Variants in PUS7L observed in about 807,000 individuals in gnomAD.
The protein encoded by PUS7L is pseudouridine synthase 7 like.
A neutral mutation model predicts 51.1 loss-of-function variants in PUS7L; 49 were observed. The observed-to-expected ratio is 0.96, with a 90% CI of 0.76 to 1.22. PUS7L has a LOEUF of 1.22. PUS7L is among the 50% of genes most tolerant of loss of function. The pLI is 0.00. For synonymous variants in PUS7L, 277 were observed against 276.2 expected (o/e 1.00, Z -0.03); for missense variants, 828 against 820.6 (o/e 1.01, Z -0.11).
At chr12:43,757,177 CTCT>C (rs4251418) in intron 1 of PUS7L, among the ~76,000 whole-genome samples, 2,356 of 152,050 alleles carry the variant, frequency 0.015, 60 homozygotes, top group African/African-American at 0.053. Flanking sequence ...GCAAGTGATT[CTCT>C]TTTTTTTTGA....
rs1363021385 is a variant in PUS7L, at chr12:43,722,090, G to C, written c.*8286C>G. ...CAAAATCCAAACATATCTGAAATCT[G>C]AAACTTTTAGTCCCAAACATTTTAG... On this transcript the variant is annotated 3_prime_UTR_variant, in exon 9 of 9. Coordinates refer to ENST00000344862, the MANE Select transcript of PUS7L (RefSeq NM_031292.5). The C allele has an allele frequency of 1.3e-5, 2 of 152,062 alleles. No individual in the cohort carries two copies. The highest frequency in any genetic ancestry group is 2.9e-5 in the Non-Finnish European group (2 of 67,984). The allele number at this position is 152,062 out of a possible 1,614,324, so 9.4% of individuals were successfully genotyped here.
At chr12:43,747,126 G>GT (rs1282865428) in intron 3 of PUS7L, among the ~76,000 whole-genome samples, 1 of 152,098 alleles carries the variant, frequency 6.6e-6, no homozygotes, top group Non-Finnish European at 1.5e-5. Context: ...TCGATATTAC[G>GT]TTAATTAGGC....
Position 43,721,988 on chromosome 12 carries a change from A to G in PUS7L, c.*8388T>C, listed in dbSNP as rs933884373. On this transcript the variant is annotated 3_prime_UTR_variant, in exon 9 of 9. Transcript: ENST00000344862. ...CCTTCAGGTTATGTGTATAAGGTAT[A>G]TATGAAACATAAATGAATTTTGTTT... 2.6e-5 allele frequency: 4 copies of G among 152,178 alleles called. No homozygotes were observed. The highest frequency in any genetic ancestry group is 5.9e-5 in the Non-Finnish European group (4 of 68,004). The allele number at this position is 152,178 out of a possible 1,614,324, so 9.4% of individuals were successfully genotyped here.
Position 43,754,858 on chromosome 12 carries a change from C to T in PUS7L, c.388G>A (p.Asp130Asn), listed in dbSNP as rs768274424. ...EKADVLSSFL[D>N]EKTHELLNNF... ...TTCAGTAACTCATGAGTTTTTTCAT[C>T]CAAAAAGGAGCTTAAAACATCAGCT... is the stretch of plus-strand genomic sequence containing the variant. The change falls in exon 2 of 9, where the codon GAT becomes AAT. Residue 130 changes from aspartate (D) to asparagine (N), a missense_variant. By Grantham distance (23) the Asp-to-Asn change is conservative. Transcript: ENST00000344862. The T allele has an allele frequency of 1.5e-5, 24 of 1,612,936 alleles. No homozygotes were observed. In the Admixed American group the frequency reaches 3.7e-4, roughly 25 times the overall value.
At position 43,728,663 on chromosome 12, in the gene PUS7L, T is replaced by C. The variant is rs1944488384; in HGVS notation, c.*1713A>G. ...ACATATAACAAAAAAAACTTTTTAGTATTAAAAAAAATCCAAATACCCCAT... is the reference window on the plus strand; with the variant it reads ...ACATATAACAAAAAAAACTTTTTAGCATTAAAAAAAATCCAAATACCCCAT... On this transcript the variant is annotated 3_prime_UTR_variant, in exon 9 of 9. Coordinates refer to ENST00000344862, the MANE Select transcript of PUS7L (RefSeq NM_031292.5). 6.6e-6 allele frequency: 1 copy of C among 152,092 alleles called. No homozygotes were observed. Among genetic ancestry groups the C allele is most frequent in the Admixed American group, 6.5e-5 (1 of 15,270 alleles). The allele number at this position is 152,092 out of a possible 1,614,324, so 9.4% of individuals were successfully genotyped here.
At chr12:43,752,747 T>C (rs1363500877) in intron 2 of PUS7L, among the ~76,000 whole-genome samples, 5 of 152,086 alleles carry the variant, frequency 3.3e-5, no homozygotes, top group Non-Finnish European at 7.4e-5. Context: ...GAGGAAGAAT[T>C]GTTTAATAAA....
At chr12:43,742,687 C>A in intron 4 of PUS7L, 132 bp from the exon 5 acceptor site, 2 of 1,257,792 alleles carry the variant, frequency 1.6e-6, no homozygotes, top group South Asian at 2.8e-5. Context: ...CACATAGGGA[C>A]CAAATGGTCT....
rs1452179921 is a variant in PUS7L at position 43,719,865 on chromosome 12, G to A, written c.*10511C>T. 6.6e-6 allele frequency: 1 copy of A among 152,080 alleles called. No individual in the cohort carries two copies. 9.4% of individuals were successfully genotyped at this position (152,080 alleles called of 1,614,324 possible). ...ATTATTTCCATCAGTCTCACCACAA[G>A]TATGTCAGCTCTACTAGTATTTTCA... On this transcript the variant is annotated 3_prime_UTR_variant, in exon 9 of 9. Transcript: ENST00000344862.
chr12:43,742,470 A>G lies in PUS7L; in HGVS notation c.1349T>C (p.Leu450Pro). ...VHTDQIGLALLKNEMMKAIKL... is the reference protein window; with the variant it reads ...VHTDQIGLALPKNEMMKAIKL... ...CAAAATCCATACCATTTCATTCTTC[A>G]GCAAAGCTAGTCCAATTTGGTCTGT... Residue 450 changes from leucine (L) to proline (P), a missense_variant, in exon 5 of 9, where the codon CTG (leucine) becomes CCG (proline). By Grantham distance (98) the Leu-to-Pro change is moderately conservative. Transcript: ENST00000344862. The G allele has an allele frequency of 6.2e-7, 1 of 1,608,214 alleles. No individual in the cohort carries two copies. Among genetic ancestry groups the G allele is most frequent in the Non-Finnish European group, 8.5e-7 (1 of 1,176,700 alleles).
intron 7 of PUS7L, among the ~76,000 whole-genome samples, chr12:43,735,807 C>T (rs1404287559): frequency 1.3e-5 from 2 of 152,082 alleles, no homozygotes; most frequent in East Asian, 1.9e-4. Context: ...GGCACAGTCT[C>T]GTTCTGTTAC....
At position 43,727,297 on chromosome 12, in the gene PUS7L, A is replaced by G. The variant is rs1036822331; in HGVS notation, c.*3079T>C. 7 of 152,238 alleles carry G rather than the reference A, an allele frequency of 4.6e-5. No homozygotes were observed. The highest frequency in any genetic ancestry group is 1.7e-4 in the African/African-American group (7 of 41,476). The allele number at this position is 152,238 out of a possible 1,614,324, so 9.4% of individuals were successfully genotyped here. On this transcript the variant is annotated 3_prime_UTR_variant, in exon 9 of 9. Transcript: ENST00000344862. ...TTTGAAGATTTCTCAAAGAACTTAA[A>G]GCAGACATACCATTTGACCCAGCAA...
Position 43,730,521 on chromosome 12 carries a change from T to C in PUS7L, c.1961A>G (p.Gln654Arg), listed in dbSNP as rs752841243. Reference sequence around the variant, plus strand: ...ATCAATGTCATGATCTTCCATTAGTTGGTATGAGAGATTACAGGGATGTTT... The same window carrying C: ...ATCAATGTCATGATCTTCCATTAGTCGGTATGAGAGATTACAGGGATGTTT... ...ILKHPCNLSY[Q>R]LMEDHDIDVK... is the part of the protein sequence containing the mutation. The change falls in exon 9 of 9, where the codon CAA becomes CGA. Residue 654 changes from glutamine (Q) to arginine (R), a missense_variant. Transcript: ENST00000344862. The C allele has an allele frequency of 6.2e-7, 1 of 1,613,868 alleles. No individual in the cohort carries two copies. The highest frequency in any genetic ancestry group is 8.5e-7 in the Non-Finnish European group (1 of 1,179,836).
intron 2 of PUS7L, among the ~76,000 whole-genome samples, chr12:43,754,040 C>T (rs1055598195): frequency 6.6e-6 from 1 of 152,062 alleles, no homozygotes; most frequent in African/African-American, 2.4e-5. Context: ...TTATTAAACA[C>T]GAACCAACTG....
rs1052797343 is a variant in PUS7L at position 43,724,601 on chromosome 12, T to C, written c.*5775A>G. ...AATTTGTATATATTTCATAATTTTG[T>C]TTGATGCAATACTATCCTGGACTGA... On this transcript the variant is annotated 3_prime_UTR_variant, in exon 9 of 9. Coordinates refer to ENST00000344862, the MANE Select transcript of PUS7L (RefSeq NM_031292.5). 3.3e-5 allele frequency: 5 copies of C among 152,142 alleles called. No individual in the cohort carries two copies. Among genetic ancestry groups the C allele is most frequent in the Non-Finnish European group, 7.4e-5 (5 of 67,982 alleles). The allele number at this position is 152,142 out of a possible 1,614,324, so 9.4% of individuals were successfully genotyped here.
chr12:43,746,178 A>C lies in PUS7L; in HGVS notation c.1131T>G (p.Ser377=), dbSNP rs1938161068. 6.6e-7 allele frequency: 1 copy of C among 1,519,358 alleles called. No homozygotes were observed. Among genetic ancestry groups the C allele is most frequent in the Non-Finnish European group, 9.1e-7 (1 of 1,103,922 alleles). 94.1% of individuals were successfully genotyped at this position (1,519,358 alleles called of 1,614,324 possible). A position where few individuals can be genotyped will look rare whatever the true frequency, so the allele number is the denominator to read the frequency against. The part of the protein sequence containing the change: ...KKRMNVFNIR[S]VDDSLRLGQL... ...GACCAAGTCTCAGGGAATCATCTAC[A>C]GACCGAATATTAAAGACATTCATTC... Residue 377 remains serine (S), a synonymous_variant, in exon 4 of 9, where the codon TCT becomes TCG. Transcript: ENST00000344862.
chr12:43,753,182 A>G (rs1938538667), intron 2 of PUS7L, among the ~76,000 whole-genome samples: 2 of 152,180 alleles, frequency 1.3e-5, no homozygotes. Context: ...CACTTACTAT[A>G]TGCCTAATAT....
chr12:43,728,998 T>A lies in PUS7L; in HGVS notation c.*1378A>T. 2.8e-6 allele frequency: 1 copy of A among 360,598 alleles called. No homozygotes were observed. Among genetic ancestry groups the A allele is most frequent in the Non-Finnish European group, 5.0e-6 (1 of 201,452 alleles). The allele number at this position is 360,598 out of a possible 1,614,324, so 22.3% of individuals were successfully genotyped here. ...TGCTTTTAATCACTATGCTAACATG[T>A]CTCTTATTTGTGAAAGATGAATTCA... On this transcript the variant is annotated 3_prime_UTR_variant, in exon 9 of 9. Transcript: ENST00000344862.
rs781526180 is a variant in PUS7L, at chr12:43,736,631, G to A, written c.1475C>T (p.Pro492Leu). The A allele has an allele frequency of 1.2e-6, 2 of 1,613,800 alleles. No homozygotes were observed. ...EDAKGTLSLM[P>L]EFKVRERALL... ...TGCTCTCTCACGCACTTTGAATTCA[G>A]GCATCAATGAAAGTGTGCCTTTAGC... The change falls in exon 7 of 9, where the codon CCT becomes CTT. Residue 492 changes from proline (P) to leucine (L), a missense_variant. Transcript: ENST00000344862.
chr12:43,741,637 A>C (rs981423786), intron 5 of PUS7L, among the ~76,000 whole-genome samples: 7 of 152,236 alleles, frequency 4.6e-5, no homozygotes, highest in Non-Finnish European at 1.0e-4. Context: ...ACTCTTTATT[A>C]TATCAGTTAT....
Sources: gnomAD v4.1 joint callset for allele counts (sites outside exome capture counted in the v4.1 genomes callset) on GRCh38, gnomAD v4.1.1 for gene constraint, MANE v1.5 for transcripts, NCBI Gene and HGNC (gene_info 2026-07-23, HGNC 2026-07-21) for gene names.